SAMD8: variants seen among roughly 807,000 people sequenced by gnomAD.
SAMD8 encodes sphingomyelin synthase-related protein 1.
A neutral mutation model predicts 42.0 loss-of-function variants in SAMD8; 20 were observed. The ratio of observed to expected loss-of-function variants is 0.48; its 90% CI spans 0.34 to 0.69. The LOEUF is 0.69. Among genes scored for constraint, SAMD8 ranks in the 30% least tolerant of loss-of-function variants. The pLI, the probability that SAMD8 is intolerant of heterozygous loss-of-function variation, is 0.01. For missense variants in SAMD8, 328 were observed against 511.6 expected, an observed-to-expected ratio of 0.64 and a Z score of 3.46; for synonymous variants, 162 against 173.0, an observed-to-expected ratio of 0.94 and a Z score of 0.50.
chr10:75,148,345 G>GTTTTTTTTTTTTTTTT (rs1564686963), intron 1 of SAMD8, among the ~76,000 whole-genome samples: 3 of 104,002 alleles, frequency 2.9e-5, no homozygotes, highest in African/African-American at 1.6e-4. Context: ...AGCAATACCA[G>GTTTTTTTTTTTTTTTT]CTTTTTTTTT....
rs779375426 is a variant in SAMD8, at chr10:75,150,840, T to C, written c.312T>C (p.Leu104=). 1 of 1,614,020 alleles carries C rather than the reference T, an allele frequency of 6.2e-7. No individual in the cohort carries two copies. The highest frequency in any genetic ancestry group is 8.5e-7 in the Non-Finnish European group (1 of 1,180,026). Residue 104 remains leucine (L), a synonymous_variant, in exon 2 of 6, where the codon CTT becomes CTC. Transcript: ENST00000542569. ...CCATGACCCCTTTCATCAGTGCTCTTCAGAGTACAGACTGGCTCTGTAATG... is the reference window on the plus strand; with the variant it reads ...CCATGACCCCTTTCATCAGTGCTCTCCAGAGTACAGACTGGCTCTGTAATG... The part of the protein sequence containing the change: ...MGSMTPFISA[L]QSTDWLCNGE...
rs149447911 is a variant in SAMD8, at chr10:75,176,021, C to T, written c.793-45C>T. 1 of 1,575,378 alleles carries T rather than the reference C, an allele frequency of 6.3e-7. No homozygotes were observed. The highest frequency in any genetic ancestry group is 1.4e-5 in the African/African-American group (1 of 73,374). On this transcript the variant is annotated intron_variant, in intron 4 of 5. Coordinates refer to ENST00000542569, the MANE Select transcript of SAMD8 (RefSeq NM_001174156.2). This position sits in a 1 kb window ranked among gnomAD's most constrained non-coding sequence, Gnocchi z 4.3. ...AGGAATGGATGTTGGGAAGTTCCCA[C>T]CTCCCTAAGCATTTGAAGCACTAAT... is the stretch of plus-strand genomic sequence containing the variant.
chr10:75,106,424 TCTGA>T (rs1275862867), intron 1 of SAMD8, among the ~76,000 whole-genome samples: 1 of 152,178 alleles, frequency 6.6e-6, no homozygotes, highest in Non-Finnish European at 1.5e-5. Context: ...CTGGTCTCGG[TCTGA>T]CTAACTTCCA....
chr10:75,148,514 C>T lies in SAMD8; in HGVS notation c.-15-2000C>T, dbSNP rs188707828. Among the ~76,000 whole-genome samples the T allele has an allele frequency of 3.5e-3, 526 of 152,080 alleles. 2 individuals are homozygous for T. Among genetic ancestry groups the T allele is most frequent in the African/African-American group, 0.012 (478 of 41,474 alleles). On this transcript the variant is annotated intron_variant, in intron 1 of 5. Transcript: ENST00000542569. ...GACTACAGGCGCACGCTGCCATGCC[C>T]GGCTAATTTTTTGTATTTTTAGTAG...
chr10:75,150,319 C>G (rs991501487), intron 1 of SAMD8, 195 bp from the exon 2 acceptor site: 8 of 243,076 alleles, frequency 3.3e-5, no homozygotes, highest in Non-Finnish European at 4.4e-5. Flanking sequence ...TAGGATCTTG[C>G]TACGTGGCCC....
chr10:75,140,370 A>G (rs907798818), intron 1 of SAMD8, among the ~76,000 whole-genome samples: 9 of 152,168 alleles, frequency 5.9e-5, no homozygotes, highest in Non-Finnish European at 1.2e-4. Context: ...CTCCCAAAGT[A>G]CTGGGATTAC....
chr10:75,111,526 C>A (rs997711569), upstream of SAMD8: 6 of 1,231,354 alleles, frequency 4.9e-6, no homozygotes, highest in Non-Finnish European at 6.1e-6. Flanking sequence ...GCTGCCGGCG[C>A]GGCGGTGACG....
intron 1 of SAMD8, among the ~76,000 whole-genome samples, chr10:75,118,481 T>C (rs1390041472): frequency 6.6e-6 from 1 of 152,126 alleles, no homozygotes; most frequent in Admixed American, 6.6e-5. Context: ...CTGTCTCTAC[T>C]AAAAATATAA....
At chr10:75,175,197 T>G (rs1840963905) in intron 4 of SAMD8, among the ~76,000 whole-genome samples, 1 of 152,222 alleles carries the variant, frequency 6.6e-6, no homozygotes, top group Admixed American at 6.5e-5. Context: ...CCCTTAACAC[T>G]TCTACTTAGA....
chr10:75,109,049 G>T, upstream of SAMD8: 1 of 1,611,298 alleles, frequency 6.2e-7, no homozygotes, highest in Non-Finnish European at 8.5e-7. Flanking sequence ...TCGTCCACAC[G>T]GCTGCAAGAA....
chr10:75,170,912 C>A (rs1268170055), intron 4 of SAMD8, among the ~76,000 whole-genome samples: 1 of 142,328 alleles, frequency 7.0e-6, no homozygotes, highest in East Asian at 2.2e-4. Context: ...TAGCTGGGAC[C>A]ATCACACCTG....
intron 1 of SAMD8, among the ~76,000 whole-genome samples, chr10:75,147,221 G>A (rs1840159104): frequency 6.6e-6 from 1 of 152,222 alleles, no homozygotes; most frequent in Non-Finnish European, 1.5e-5. Flanking sequence ...AATGCTACAA[G>A]AATGGGAGTG....
intron 1 of SAMD8, among the ~76,000 whole-genome samples, chr10:75,148,873 T>C (rs1840212579): frequency 6.6e-6 from 1 of 152,192 alleles, no homozygotes. Flanking sequence ...AAATAAAGTT[T>C]AATCTAACAT....
chr10:75,164,525 TA>T (rs1840631470), intron 2 of SAMD8, 119 bp from the exon 3 acceptor site: 2 of 1,431,022 alleles, frequency 1.4e-6, no homozygotes, highest in African/African-American at 2.9e-5. Flanking sequence ...TCATTTTCTG[TA>T]AGAGATAAGT....
intron 1 of SAMD8, among the ~76,000 whole-genome samples, chr10:75,121,806 C>T (rs1332289493): frequency 6.6e-6 from 1 of 152,108 alleles, no homozygotes; most frequent in Non-Finnish European, 1.5e-5. Flanking sequence ...ATTCTCCTGC[C>T]TCAGCCTCCC....
intron 1 of SAMD8, among the ~76,000 whole-genome samples, chr10:75,102,946 C>T (rs1848267997): frequency 6.6e-6 from 1 of 152,048 alleles, no homozygotes. Flanking sequence ...GAACGAAACT[C>T]CGTCTCCAAA....
chr10:75,131,587 C>T (rs993163945), intron 1 of SAMD8, among the ~76,000 whole-genome samples: 1 of 151,986 alleles, frequency 6.6e-6, no homozygotes, highest in Non-Finnish European at 1.5e-5. Flanking sequence ...TTAAAAATAA[C>T]TGATCAAATT....
intron 1 of SAMD8, among the ~76,000 whole-genome samples, chr10:75,143,522 A>G (rs765611200): frequency 1.3e-5 from 2 of 151,578 alleles, no homozygotes; most frequent in Non-Finnish European, 2.9e-5. Flanking sequence ...TTGCTTGTGA[A>G]TGATATTTCA....
chr10:75,103,850 C>T (rs1354226914), intron 1 of SAMD8: 3 of 1,262,200 alleles, frequency 2.4e-6, no homozygotes, highest in Non-Finnish European at 3.1e-6. Flanking sequence ...GGGTCCCTGG[C>T]CAAGAAGCCT....
Sources: gnomAD v4.1 joint callset for allele counts (sites outside exome capture counted in the v4.1 genomes callset) on GRCh38, gnomAD v4.1.1 for gene constraint, Gnocchi (gnomAD v3.1) non-coding constraint, MANE v1.5 for transcripts, NCBI Gene and HGNC (gene_info 2026-07-23, HGNC 2026-07-21) for gene names.